The following STXBP4 variants were observed in gnomAD, a reference collection of about 807,000 sequenced individuals.
STXBP4 encodes syntaxin-binding protein 4.
STXBP4 carries 55 observed loss-of-function variants against 76.1 expected under a neutral mutation model. The ratio of observed to expected loss-of-function variants is 0.72; its 90% CI spans 0.58 to 0.91. The LOEUF is 0.91. Among genes scored for constraint, STXBP4 ranks in the 40% least tolerant of loss-of-function variants. The pLI is 0.00. For synonymous variants in STXBP4, 201 were observed against 220.2 expected (o/e 0.91, Z 0.77); for missense variants, 618 against 636.9 (o/e 0.97, Z 0.32).
intron 16 of STXBP4, among the ~76,000 whole-genome samples, chr17:55,088,946 G>A (rs2079375045): frequency 6.6e-6 from 1 of 152,148 alleles, no homozygotes; most frequent in South Asian, 2.1e-4. Flanking sequence ...CAGCCTGGAA[G>A]GAAGCAGCAG....
At chr17:55,128,768 A>G (rs2079940342) in intron 16 of STXBP4, among the ~76,000 whole-genome samples, 1 of 152,018 alleles carries the variant, frequency 6.6e-6, no homozygotes, top group African/African-American at 2.4e-5. Context: ...GGCACCTGCC[A>G]TCATGCCCGG....
Position 55,173,212 on chromosome 17 carries a change from G to A in STXBP4, c.*13301G>A, listed in dbSNP as rs188981715. On this transcript the variant is annotated 3_prime_UTR_variant, in exon 18 of 18. Transcript: ENST00000376352. ...TAATGCAGAAAAAAGTGACTTTTGGGGGAGTGCAGAGTTCTATGAATTTTT... is the reference window on the plus strand; with the variant it reads ...TAATGCAGAAAAAAGTGACTTTTGGAGGAGTGCAGAGTTCTATGAATTTTT... 6.6e-4 allele frequency: 101 copies of A among 152,186 alleles called. No homozygotes were observed. The highest frequency in any genetic ancestry group is 2.3e-3 in the African/African-American group (96 of 41,494). The allele number at this position is 152,186 out of a possible 1,614,324, so 9.4% of individuals were successfully genotyped here. A position where few individuals can be genotyped will look rare whatever the true frequency, so the allele number is the denominator to read the frequency against.
intron 16 of STXBP4, among the ~76,000 whole-genome samples, chr17:55,085,905 A>G (rs1396767914): frequency 6.6e-6 from 1 of 152,194 alleles, no homozygotes; most frequent in Non-Finnish European, 1.5e-5. Context: ...TATGTGAAGA[A>G]ATTCTGTGGG....
chr17:54,993,263 T>A (rs1166180128), intron 4 of STXBP4, among the ~76,000 whole-genome samples: 3 of 152,188 alleles, frequency 2.0e-5, no homozygotes, highest in African/African-American at 7.2e-5. Flanking sequence ...ACAGAGCTAT[T>A]AATGTTCTTC....
chr17:55,065,071 A>G (rs1025996874), intron 12 of STXBP4, among the ~76,000 whole-genome samples: 3 of 152,196 alleles, frequency 2.0e-5, no homozygotes, highest in African/African-American at 7.2e-5. Context: ...CTTACATAAT[A>G]TAGGGTCTGT....
chr17:55,154,242 A>G (rs1567784733), intron 17 of STXBP4, among the ~76,000 whole-genome samples: 1 of 152,114 alleles, frequency 6.6e-6, no homozygotes, highest in Non-Finnish European at 1.5e-5. Context: ...AAAAACCCTG[A>G]CCCACAAAAG....
intron 15 of STXBP4, among the ~76,000 whole-genome samples, 166 bp from the exon 16 acceptor site, chr17:55,080,882 CAG>C (rs893068467): frequency 3.0e-4 from 45 of 152,040 alleles, no homozygotes; most frequent in Non-Finnish European, 1.2e-4. Context: ...TAATTGAAAA[CAG>C]AAATATTGTT....
the STXBP4 span, among the ~76,000 whole-genome samples, chr17:55,206,857 G>GAA: frequency 1.5e-4 from 15 of 103,138 alleles, no homozygotes; most frequent in East Asian, 2.7e-3. Flanking sequence ...CTCCGTCTCA[G>GAA]AAAAAAAAAA....
chr17:55,016,492 A>G (rs537613073), intron 8 of STXBP4, among the ~76,000 whole-genome samples: 1 of 152,308 alleles, frequency 6.6e-6, no homozygotes, highest in Admixed American at 6.5e-5. Flanking sequence ...GGATTGAGAT[A>G]GTCTTTTTGA....
At chr17:55,144,052 C>T (rs2080124375) in intron 17 of STXBP4, among the ~76,000 whole-genome samples, 1 of 150,682 alleles carries the variant, frequency 6.6e-6, no homozygotes, top group Non-Finnish European at 1.5e-5. Flanking sequence ...CACACACACG[C>T]CTCACCACCT....
intron 16 of STXBP4, among the ~76,000 whole-genome samples, chr17:55,098,538 A>G (rs963633418): frequency 6.6e-6 from 1 of 152,300 alleles, no homozygotes; most frequent in Admixed American, 6.5e-5. Flanking sequence ...GGCAGGAGTA[A>G]GCCATATAGC....
chr17:55,198,269 G>C, the STXBP4 span, among the ~76,000 whole-genome samples: 1 of 152,162 alleles, frequency 6.6e-6, no homozygotes, highest in African/African-American at 2.4e-5. Context: ...GGTTTGCAAG[G>C]GGAGTAGCCT....
rs2080395602 is a variant in STXBP4 at position 55,169,604 on chromosome 17, A to C, written c.*9693A>C. 1 of 152,240 alleles carries C rather than the reference A, an allele frequency of 6.6e-6. No homozygotes were observed. The highest frequency in any genetic ancestry group is 1.5e-5 in the Non-Finnish European group (1 of 68,034). 9.4% of individuals were successfully genotyped at this position (152,240 alleles called of 1,614,324 possible). ...AGATGTGAAAAATGTGTGTCTTAGA[A>C]TCGATAAAATATGGTATAGAGAATC... is the stretch of plus-strand genomic sequence containing the variant. On this transcript the variant is annotated 3_prime_UTR_variant, in exon 18 of 18. Transcript: ENST00000376352.
chr17:54,984,622 C>T (rs1312769325), intron 1 of STXBP4, among the ~76,000 whole-genome samples: 1 of 152,010 alleles, frequency 6.6e-6, no homozygotes, highest in Non-Finnish European at 1.5e-5. Flanking sequence ...GGATTACAGG[C>T]GTGAACCACC....
chr17:55,060,145 A>G (rs17745534), intron 12 of STXBP4, among the ~76,000 whole-genome samples: 120,162 of 151,910 alleles, frequency 0.79, 48,157 homozygotes, highest in African/African-American at 0.91. Context: ...GTAAAAAAAC[A>G]TAGACTACCC....
intron 11 of STXBP4, among the ~76,000 whole-genome samples, chr17:55,046,803 G>T (rs956869607): frequency 6.6e-6 from 1 of 151,800 alleles, no homozygotes; most frequent in African/African-American, 2.4e-5. Flanking sequence ...AACCAAAATT[G>T]TGTTAATATT....
the STXBP4 span, among the ~76,000 whole-genome samples, chr17:55,183,160 A>C: frequency 6.6e-6 from 1 of 152,256 alleles, no homozygotes; most frequent in Non-Finnish European, 1.5e-5. Flanking sequence ...ATGTCCTTGC[A>C]CTTTACATAA....
At chr17:55,131,831 G>A (rs1372782628) in intron 16 of STXBP4, among the ~76,000 whole-genome samples, 3 of 152,074 alleles carry the variant, frequency 2.0e-5, no homozygotes, top group Non-Finnish European at 4.4e-5. Flanking sequence ...GTGCCATCTA[G>A]GCTCACTACA....
At chr17:55,206,692 A>G in the STXBP4 span, among the ~76,000 whole-genome samples, 2 of 151,968 alleles carry the variant, frequency 1.3e-5, no homozygotes, top group African/African-American at 4.8e-5. Context: ...CCCCATCTCT[A>G]CTAAAAATAC....
Sources: gnomAD v4.1 joint callset for allele counts (sites outside exome capture counted in the v4.1 genomes callset) on GRCh38, gnomAD v4.1.1 for gene constraint, MANE v1.5 for transcripts, NCBI Gene and HGNC (gene_info 2026-07-23, HGNC 2026-07-21) for gene names.